The following SCUBE2 variants were observed in gnomAD, a reference collection of about 807,000 sequenced individuals.
SCUBE2 encodes signal peptide, CUB domain and EGF like domain containing 2, also known as signal peptide, CUB and EGF-like domain-containing protein 2.
Under a neutral mutation model 125.9 loss-of-function variants are expected in SCUBE2, and 114 were observed. That is an observed-to-expected ratio of 0.91 (90% CI 0.78 to 1.06). The LOEUF is 1.06. SCUBE2 is among the 50% of genes least tolerant of loss of function. The pLI is 0.00. For missense variants in SCUBE2, 1,255 were observed against 1,301.8 expected (o/e 0.96, Z 0.55); for synonymous variants, 459 against 492.9 (o/e 0.93, Z 0.91).
At chr11:9,029,816 G>T in intron 19 of SCUBE2, 68 bp downstream of exon 19, 1 of 1,575,876 alleles carries the variant, frequency 6.3e-7, no homozygotes, top group Non-Finnish European at 8.7e-7. Flanking sequence ...CGTGCCCCCT[G>T]CTCTGAGGTG....
intron 13 of SCUBE2, among the ~76,000 whole-genome samples, chr11:9,051,475 G>T (rs1454998548): frequency 6.6e-6 from 1 of 152,160 alleles, no homozygotes; most frequent in Non-Finnish European, 1.5e-5. Flanking sequence ...GACACAGATG[G>T]CACTCACTAA....
chr11:9,023,443 C>G (rs947070424), intron 21 of SCUBE2, among the ~76,000 whole-genome samples: 3 of 152,152 alleles, frequency 2.0e-5, no homozygotes, highest in Non-Finnish European at 2.9e-5. Context: ...AGTATCTCTC[C>G]TCTTTTTGTT....
Position 9,021,179 on chromosome 11 carries a change from C to A in SCUBE2, c.2953G>T (p.Ala985Ser). ...EILKDKKLIK[A>S]LFDVLAHPQN... The stretch of plus-strand genomic sequence containing the variant: ...GGATGGGCCAGGACATCAAACAGAG[C>A]CTTGATAAGTTTCTTATCCTAAAAA... The change falls in exon 23 of 23, where the codon GCT becomes TCT. Residue 985 changes from alanine to serine, a missense_variant. By Grantham distance (99) the Ala-to-Ser change is moderately conservative. This residue lies in a region of SCUBE2 where 515 missense variants were observed against 515.7 expected (regional missense o/e 1.00). Transcript: ENST00000649792. 1 of 1,577,284 alleles carries A rather than the reference C, an allele frequency of 6.3e-7. No individual in the cohort carries two copies. Among genetic ancestry groups the A allele is most frequent in the Non-Finnish European group, 8.6e-7 (1 of 1,164,332 alleles).
chr11:9,026,342 A>AC (rs1183064251), intron 20 of SCUBE2: 4 of 153,774 alleles, frequency 2.6e-5, no homozygotes, highest in African/African-American at 9.6e-5. Context: ...AAGGATTTAA[A>AC]CCTATACTTG....
intron 13 of SCUBE2, among the ~76,000 whole-genome samples, chr11:9,051,310 A>G (rs1053093936): frequency 2.0e-5 from 3 of 152,134 alleles, no homozygotes; most frequent in Non-Finnish European, 4.4e-5. Context: ...CCACGGTGAA[A>G]TAGAACATGA....
chr11:9,022,108 CCA>C lies in SCUBE2; in HGVS notation c.2855-155_2855-154del, dbSNP rs1015739996. The C allele has an allele frequency of 2.0e-5, 12 of 599,156 alleles. No homozygotes were observed. In the East Asian group the frequency reaches 3.3e-4, roughly 16 times the overall value. The allele number at this position is 599,156 out of a possible 1,614,324, so 37.1% of individuals were successfully genotyped here. A position where few individuals can be genotyped will look rare whatever the true frequency, so the allele number is the denominator to read the frequency against. ...TGAGAAGACAGTCAGAAGAAAACTTCCACAGACTCCCACCACCACCTCTCTTC... is the reference window on the plus strand; with the variant it reads ...TGAGAAGACAGTCAGAAGAAAACTTCCAGACTCCCACCACCACCTCTCTTC... On this transcript the variant is annotated intron_variant, in intron 21 of 22. Coordinates refer to ENST00000649792, the MANE Select transcript of SCUBE2 (RefSeq NM_001367977.2).
At chr11:9,030,620 G>T in intron 18 of SCUBE2, 138 bp downstream of exon 18, 1 of 842,612 alleles carries the variant, frequency 1.2e-6, no homozygotes, top group Non-Finnish European at 1.9e-6. Flanking sequence ...ATCCTGCTGG[G>T]GCGAGTGGAG....
Position 9,069,425 on chromosome 11 carries a change from G to T in SCUBE2, c.588C>A (p.Val196=). ...HICKEAPRGS[V]ACECRPGFEL... ...CAAAACCAGGCCTGCACTCACAGGC[G>T]ACGCTGCCCCTTGGGGCCTCCTTGC... Residue 196 remains valine (V), a synonymous_variant, in exon 5 of 23, where the codon GTC becomes GTA. Transcript: ENST00000649792. The T allele has an allele frequency of 6.2e-7, 1 of 1,614,236 alleles. No homozygotes were observed. The highest frequency in any genetic ancestry group is 8.5e-7 in the Non-Finnish European group (1 of 1,180,044).
intron 7 of SCUBE2, among the ~76,000 whole-genome samples, chr11:9,062,019 G>T (rs1859732464): frequency 6.6e-6 from 1 of 152,290 alleles, no homozygotes; most frequent in South Asian, 2.1e-4. Context: ...ATAGTCATGT[G>T]ACTACCCTTC....
chr11:9,023,645 T>TAAGA (rs1254895382), intron 21 of SCUBE2, among the ~76,000 whole-genome samples: 1 of 152,220 alleles, frequency 6.6e-6, no homozygotes, highest in Non-Finnish European at 1.5e-5. Context: ...AAGTTACAGG[T>TAAGA]AAGAATCCAG....
chr11:9,069,582 C>T, intron 4 of SCUBE2, 87 bp from the exon 5 acceptor site: 1 of 1,556,390 alleles, frequency 6.4e-7, no homozygotes, highest in Middle Eastern at 1.7e-4. Flanking sequence ...AGGGGTGGCC[C>T]ACAGATCTGT....
intron 19 of SCUBE2, among the ~76,000 whole-genome samples, chr11:9,029,527 G>A (rs1171755203): frequency 1.3e-5 from 2 of 152,200 alleles, no homozygotes; most frequent in Admixed American, 6.5e-5. Flanking sequence ...CAGCGATGCC[G>A]ACTCATTCTG....
intron 14 of SCUBE2, among the ~76,000 whole-genome samples, chr11:9,049,628 T>A (rs10769988): frequency 6.6e-6 from 1 of 151,980 alleles, no homozygotes; most frequent in African/African-American, 2.4e-5. Context: ...ATTTGGCAAA[T>A]GCAGAAAAAA....
chr11:9,090,551 T>C (rs114721144), intron 1 of SCUBE2, among the ~76,000 whole-genome samples: 1,519 of 151,762 alleles, frequency 0.01, 23 homozygotes, highest in African/African-American at 0.035. Context: ...GGCCCAATTC[T>C]TCTTCTTCCA....
At chr11:9,044,419 A>T (rs1456779106) in intron 16 of SCUBE2, among the ~76,000 whole-genome samples, 1 of 152,066 alleles carries the variant, frequency 6.6e-6, no homozygotes, top group East Asian at 1.9e-4. Context: ...ACATAGTGAG[A>T]CAGAGTGTCA....
chr11:9,054,701 G>GTGTATATATATATATA (rs1303442592), intron 10 of SCUBE2, among the ~76,000 whole-genome samples: 1 of 51,080 alleles, frequency 2.0e-5, no homozygotes, highest in African/African-American at 9.7e-5. Flanking sequence ...AAGCACTAGT[G>GTGTATATATATATATA]TATATATATA....
Position 9,091,350 on chromosome 11 carries a change from G to T in SCUBE2, c.133+46C>A. ...CGCCGGGGACCTAAACACTCTTCCT[G>T]GCCCTGCCTGCTGTGCCAGGTGCGC... On this transcript the variant is annotated intron_variant, in intron 1 of 22. Coordinates refer to ENST00000649792, the MANE Select transcript of SCUBE2 (RefSeq NM_001367977.2). This position sits in a 1 kb window ranked among gnomAD's most constrained non-coding sequence, Gnocchi z 8.5. 7.9e-7 allele frequency: 1 copy of T among 1,273,870 alleles called. No individual in the cohort carries two copies. The highest frequency in any genetic ancestry group is 1.6e-5 in the African/African-American group (1 of 64,022). The allele number at this position is 1,273,870 out of a possible 1,614,324, so 78.9% of individuals were successfully genotyped here.
chr11:9,083,217 G>A (rs937146116), intron 2 of SCUBE2, among the ~76,000 whole-genome samples: 1 of 151,922 alleles, frequency 6.6e-6, no homozygotes, highest in Non-Finnish European at 1.5e-5. Context: ...AGTGGAATAC[G>A]AAAAGAAACA....
intron 13 of SCUBE2, 26 bp from the exon 14 acceptor site, chr11:9,050,736 GT>G (rs1325948136): frequency 6.4e-7 from 1 of 1,570,342 alleles, no homozygotes; most frequent in African/African-American, 1.4e-5. Flanking sequence ...AGTGAGAGAT[GT>G]TACCTTCAGA....
Sources: gnomAD v4.1 joint callset for allele counts (sites outside exome capture counted in the v4.1 genomes callset) on GRCh38, gnomAD v4.1.1 for gene constraint, gnomAD v4.1.1 regional missense constraint, Gnocchi (gnomAD v3.1) non-coding constraint, MANE v1.5 for transcripts, NCBI Gene and HGNC (gene_info 2026-07-23, HGNC 2026-07-21) for gene names.